Variants in CBX2 observed in about 807,000 individuals in gnomAD.
CBX2 encodes the protein chromobox 2.
In CBX2, 11 loss-of-function variants were observed where a neutral mutation model predicts 21.0. The observed-to-expected ratio is 0.52, with a 90% CI of 0.33 to 0.87. CBX2 has a LOEUF of 0.87. Among genes scored for constraint, CBX2 ranks in the 40% least tolerant of loss-of-function variants. CBX2 has a pLI of 0.02. For synonymous variants in CBX2, 364 were observed against 304.6 expected (o/e 1.19, Z -2.03); for missense variants, 746 against 724.3 (o/e 1.03, Z -0.34).
At position 79,778,191 on chromosome 17, in the gene CBX2, G is replaced by C. The variant is rs1307011971; in HGVS notation, c.-45G>C. On this transcript the variant is annotated 5_prime_UTR_variant, in exon 1 of 5. Coordinates refer to ENST00000310942, the MANE Select transcript of CBX2 (RefSeq NM_005189.3). The surrounding 1 kb of genome is among the most constrained non-coding windows in gnomAD (Gnocchi z 4.8). ...GGCGGGGCGCGCGGCGGTCCGGGCG[G>C]GTGACTGGCGGCGGGCGCCGCGGTC... is the stretch of plus-strand genomic sequence containing the variant. 3 of 1,216,636 alleles carry C rather than the reference G, an allele frequency of 2.5e-6. No homozygotes were observed. The highest frequency in any genetic ancestry group is 3.1e-6 in the Non-Finnish European group (3 of 963,236). 75.4% of individuals were successfully genotyped at this position (1,216,636 alleles called of 1,614,324 possible). A position where few individuals can be genotyped will look rare whatever the true frequency, so the allele number is the denominator to read the frequency against.
upstream of CBX2, among the ~76,000 whole-genome samples, chr17:79,777,960 ACCCCCCGCCGGAGCGCGAGG>A (rs1906844636): frequency 8.6e-6 from 1 of 116,354 alleles, no homozygotes; most frequent in South Asian, 3.0e-4. Flanking sequence ...CCCGCGCGGG[ACCCCCCGCCGGAGCGCGAGG>A]CCCAGCCCGC....
chr17:79,779,449 G>GT, intron 3 of CBX2, 22 bp downstream of exon 3: 3 of 1,501,352 alleles, frequency 2.0e-6, no homozygotes, highest in Non-Finnish European at 2.8e-6. Flanking sequence ...GACAGCACTG[G>GT]GGAGGGTGTG....
Position 79,781,784 on chromosome 17 carries a change from C to T in CBX2, c.271C>T (p.Arg91Trp), listed in dbSNP as rs375170872. 7.7e-5 allele frequency: 125 copies of T among 1,613,996 alleles called. No homozygotes were observed. Among genetic ancestry groups the T allele is most frequent in the Admixed American group, 3.5e-4 (21 of 60,012 alleles). ...RKLTAMSSCS[R>W]RSKLKEPDAP... ...GCTCACTGCCATGTCCTCCTGCAGC[C>T]GGCGCTCCAAGCTCAAGGTGGGTGG... is the stretch of plus-strand genomic sequence containing the variant. The change falls in exon 4 of 5, where the codon CGG (arginine) becomes TGG (tryptophan). Residue 91 changes from arginine (R) to tryptophan (W), a missense_variant. Around this residue, in one of 2 missense-constraint regions of CBX2, gnomAD observed 701 missense variants for 650.7 expected, o/e 1.08. Coordinates refer to ENST00000310942, the MANE Select transcript of CBX2 (RefSeq NM_005189.3).
rs1906897254 is a variant in CBX2, at chr17:79,778,369, C to T, written c.73-15C>T. 4 of 1,584,916 alleles carry T rather than the reference C, an allele frequency of 2.5e-6. No homozygotes were observed. The highest frequency in any genetic ancestry group is 3.4e-6 in the Non-Finnish European group (4 of 1,170,612). ...GCTGTCCGTCTGGCTCACGGCCCCT[C>T]TTCTCTCCCCGCAGGGCAAGCTGGA... On this transcript the variant is annotated splice_polypyrimidine_tract_variant and intron_variant, in intron 1 of 4. Coordinates refer to ENST00000310942, the MANE Select transcript of CBX2 (RefSeq NM_005189.3). The surrounding 1 kb of genome is among the most constrained non-coding windows in gnomAD (Gnocchi z 4.8).
rs782730819 is a variant in CBX2, at chr17:79,783,838, G to A, written c.395G>A (p.Arg132Lys). The A allele has an allele frequency of 6.2e-7, 1 of 1,611,750 alleles. No individual in the cohort carries two copies. Among genetic ancestry groups the A allele is most frequent in the East Asian group, 2.2e-5 (1 of 44,710 alleles). Reference sequence around the variant, plus strand: ...GATGACAGTGACTTAGATGCTAAGAGGGGTCCCCGGGGCCGCGAGACCCAC... The same window carrying A: ...GATGACAGTGACTTAGATGCTAAGAAGGGTCCCCGGGGCCGCGAGACCCAC... ...EEDDSDLDAK[R>K]GPRGRETHPV... Residue 132 changes from arginine to lysine, a missense_variant, in exon 5 of 5, where the codon AGG (arginine) becomes AAG (lysine). This residue lies in a region of CBX2 where 701 missense variants were observed against 650.7 expected (regional missense o/e 1.08). Transcript: ENST00000310942.
chr17:79,778,202 GC>G lies in CBX2; in HGVS notation c.-33del. 1 of 1,276,880 alleles carries G rather than the reference GC, an allele frequency of 7.8e-7. No individual in the cohort carries two copies. The highest frequency in any genetic ancestry group is 9.9e-7 in the Non-Finnish European group (1 of 1,008,250). The allele number at this position is 1,276,880 out of a possible 1,614,324, so 79.1% of individuals were successfully genotyped here. On this transcript the variant is annotated 5_prime_UTR_variant, in exon 1 of 5. Transcript: ENST00000310942. This position sits in a 1 kb window ranked among gnomAD's most constrained non-coding sequence, Gnocchi z 4.8. ...CGGCGGTCCGGGCGGGTGACTGGCG[GC>G]GGGCGCCGCGGTCGGGCTGGCTGCC... is the stretch of plus-strand genomic sequence containing the variant.
chr17:79,778,512 G>A lies in CBX2; in HGVS notation c.116+85G>A. On this transcript the variant is annotated intron_variant, in intron 2 of 4. Coordinates refer to ENST00000310942, the MANE Select transcript of CBX2 (RefSeq NM_005189.3). This position sits in a 1 kb window ranked among gnomAD's most constrained non-coding sequence, Gnocchi z 4.8. ...GAGCCCCTCGGCCGCGCCGTCCGGT[G>A]GCCTGGGGGCGCCCGCGGGCAGAGC... The A allele has an allele frequency of 1.2e-6, 1 of 820,068 alleles. No homozygotes were observed. Among genetic ancestry groups the A allele is most frequent in the Non-Finnish European group, 1.7e-6 (1 of 577,738 alleles). The allele number at this position is 820,068 out of a possible 1,614,324, so 50.8% of individuals were successfully genotyped here.
Position 79,783,766 on chromosome 17 carries a change from G to C in CBX2, c.323G>C (p.Ser108Thr). 2.6e-6 allele frequency: 4 copies of C among 1,557,414 alleles called. No homozygotes were observed. Among genetic ancestry groups the C allele is most frequent in the Non-Finnish European group, 3.5e-6 (4 of 1,150,230 alleles). Residue 108 changes from serine (S) to threonine (T), a missense_variant, in exon 5 of 5, where the codon AGT becomes ACT. Transcript: ENST00000310942. ...GCTCCCTCCAAATCCAAGTCCAGCA[G>C]TTCCTCCTCTTCCTCCACGTCATCC... ...PDAPSKSKSS[S>T]SSSSSTSSSS...
In CBX2 at chr17:79,784,112, C is replaced by A. The variant is rs372276005; in HGVS notation, c.669C>A (p.Gly223=). The A allele has an allele frequency of 6.2e-7, 1 of 1,611,562 alleles. No homozygotes were observed. Among genetic ancestry groups the A allele is most frequent in the South Asian group, 1.1e-5 (1 of 91,036 alleles). ...AGGCCCACGCCAAGGAGGCCTGTGG[C>A]GGCCCCAGTGCCATGGCCACCCCAG... is the stretch of plus-strand genomic sequence containing the variant. The part of the protein sequence containing the change: ...ALKAHAKEAC[G]GPSAMATPEN... Residue 223 remains glycine (G), a synonymous_variant, in exon 5 of 5, where the codon GGC becomes GGA. Coordinates refer to ENST00000310942, the MANE Select transcript of CBX2 (RefSeq NM_005189.3). This position sits in a 1 kb window ranked among gnomAD's most constrained non-coding sequence, Gnocchi z 5.9.
chr17:79,782,061 T>C (rs782770818), intron 4 of CBX2: 6 of 1,613,802 alleles, frequency 3.7e-6, no homozygotes, highest in Non-Finnish European at 5.1e-6. Flanking sequence ...CTCTGCTGGG[T>C]GGCAGGGTCA....
rs1252737932 is a variant in CBX2, at chr17:79,787,932, T to A, written c.*2890T>A. ...TTTGAACCAAAGCCAATCACTGGCTTGATTTGTGTTTTTTAATTAAAAAAA... is the reference window on the plus strand; with the variant it reads ...TTTGAACCAAAGCCAATCACTGGCTAGATTTGTGTTTTTTAATTAAAAAAA... On this transcript the variant is annotated 3_prime_UTR_variant, in exon 5 of 5. Transcript: ENST00000310942. 4 of 152,110 alleles carry A rather than the reference T, an allele frequency of 2.6e-5. No individual in the cohort carries two copies. The highest frequency in any genetic ancestry group is 5.9e-5 in the Non-Finnish European group (4 of 68,038). The allele number at this position is 152,110 out of a possible 1,614,324, so 9.4% of individuals were successfully genotyped here. A position where few individuals can be genotyped will look rare whatever the true frequency, so the allele number is the denominator to read the frequency against.
At position 79,784,949 on chromosome 17, in the gene CBX2, C is replaced by T. The variant is rs951060396; in HGVS notation, c.1506C>T (p.His502=). Residue 502 remains histidine, a synonymous_variant, in exon 5 of 5, where the codon CAC becomes CAT. Transcript: ENST00000310942. The surrounding 1 kb of genome is among the most constrained non-coding windows in gnomAD (Gnocchi z 5.9). ...AGCCCACCCGCAGCCTCATCGAGCA[C>T]GTATTTGTCACCGACGTCACTGCCA... ...DWKPTRSLIE[H]VFVTDVTANL... 2.1e-5 allele frequency: 34 copies of T among 1,611,968 alleles called. No individual in the cohort carries two copies. Among genetic ancestry groups the T allele is most frequent in the African/African-American group, 1.2e-4 (9 of 74,938 alleles).
At chr17:79,782,408 C>T (rs1225475927) in intron 4 of CBX2, 9 of 1,352,212 alleles carry the variant, frequency 6.7e-6, no homozygotes, top group African/African-American at 1.5e-5. Flanking sequence ...ATGCATGCGC[C>T]CCTGGGGTCC....
chr17:79,784,024 G>A lies in CBX2; in HGVS notation c.581G>A (p.Gly194Glu), dbSNP rs148261700. 34 of 1,613,068 alleles carry A rather than the reference G, an allele frequency of 2.1e-5. No homozygotes were observed. Among genetic ancestry groups the A allele is most frequent in the Admixed American group, 3.3e-5 (2 of 60,030 alleles). Reference sequence around the variant, plus strand: ...CTGAAGACCGCCCGGAAGGATCTGGGGGCCCCGGCCAGCAAGCTGCCCCCT... The same window carrying A: ...CTGAAGACCGCCCGGAAGGATCTGGAGGCCCCGGCCAGCAAGCTGCCCCCT... ...KVLKTARKDL[G>E]APASKLPPPL... The change falls in exon 5 of 5, where the codon GGG becomes GAG. Residue 194 changes from glycine (G) to glutamate (E), a missense_variant. Physicochemically the swap from Gly to Glu is moderately conservative, Grantham distance 98. This residue lies in a region of CBX2 where 701 missense variants were observed against 650.7 expected (regional missense o/e 1.08). Transcript: ENST00000310942. The surrounding 1 kb of genome is among the most constrained non-coding windows in gnomAD (Gnocchi z 5.9).
At chr17:79,782,396 G>A in intron 4 of CBX2, 1 of 1,381,794 alleles carries the variant, frequency 7.2e-7, no homozygotes, top group Non-Finnish European at 9.4e-7. Context: ...CCCGCCACAG[G>A]TATGCATGCG....
intron 4 of CBX2, chr17:79,782,561 A>T (rs1312140208): frequency 4.0e-6 from 4 of 1,007,478 alleles, no homozygotes; most frequent in Non-Finnish European, 3.6e-6. Context: ...CCACGAGCTC[A>T]GTCACTAACT....
rs782622371 is a variant in CBX2 at position 79,778,411 on chromosome 17, C to T, written c.100C>T (p.Arg34Cys). 9 of 1,571,650 alleles carry T rather than the reference C, an allele frequency of 5.7e-6. No individual in the cohort carries two copies. The East Asian group carries it at 1.9e-4, about 33-fold the overall frequency. ...CAAGCTGGAGTACCTGGTCAAGTGG[C>T]GCGGCTGGTCCTCCAAGTGAGTCCC... ...KGKLEYLVKW[R>C]GWSSKHNSWE... The change falls in exon 2 of 5, where the codon CGC (arginine) becomes TGC (cysteine). Residue 34 changes from arginine to cysteine, a missense_variant. Arg to Cys is a radical substitution (Grantham distance 180). Around this residue, in one of 2 missense-constraint regions of CBX2, gnomAD observed 45 missense variants for 73.6 expected, o/e 0.61. Transcript: ENST00000310942. This position sits in a 1 kb window ranked among gnomAD's most constrained non-coding sequence, Gnocchi z 4.8.
Position 79,782,119 on chromosome 17 carries a change from C to T in CBX2, c.288+318C>T, listed in dbSNP as rs146836361. 2.5e-5 allele frequency: 41 copies of T among 1,613,024 alleles called. 1 individual carries two copies. The highest frequency in any genetic ancestry group is 1.6e-4 in the Middle Eastern group (1 of 6,084). On this transcript the variant is annotated intron_variant, in intron 4 of 4. Coordinates refer to ENST00000310942, the MANE Select transcript of CBX2 (RefSeq NM_005189.3). ...TCCCTCCCAGGGGGTCCTTGGGGGA[C>T]GGAAAGGAACAGGAAGCATGCGTAC...
Position 79,784,067 on chromosome 17 carries a change from T to TGCAG in CBX2, c.627_630dup (p.Leu211ArgfsTer35). 1 of 1,612,502 alleles carries TGCAG rather than the reference T, an allele frequency of 6.2e-7. No homozygotes were observed. Among genetic ancestry groups the TGCAG allele is most frequent in the Non-Finnish European group, 8.5e-7 (1 of 1,179,766 alleles). ...TGCCCCCTCCACTCAGCGCCCCCGT[T>TGCAG]GCAGGCCTGGCAGCTCTGAAGGCCC... On this transcript the variant is annotated frameshift_variant, in exon 5 of 5. Transcript: ENST00000310942. LOFTEE classifies it low-confidence loss of function (END_TRUNC). The surrounding 1 kb of genome is among the most constrained non-coding windows in gnomAD (Gnocchi z 5.9).
Sources: allele counts gnomAD v4.1 joint callset (sites outside exome capture counted in the v4.1 genomes callset), GRCh38; gene constraint gnomAD v4.1.1; regional missense constraint gnomAD v4.1.1; non-coding constraint Gnocchi (gnomAD v3.1); transcripts MANE v1.5; gene names NCBI Gene and HGNC (gene_info 2026-07-23, HGNC 2026-07-21).